The following AFF3 variants were observed in gnomAD, a reference collection of about 807,000 sequenced individuals.
The protein encoded by AFF3 is AF4/FMR2 family member 3.
Under a neutral mutation model 129.7 loss-of-function variants are expected in AFF3, and 32 were observed. The observed-to-expected ratio is 0.25, with a 90% confidence interval of 0.19 to 0.33. The LOEUF is 0.33. Among genes scored for constraint, AFF3 ranks in the 10% least tolerant of loss-of-function variants. The pLI, the probability that AFF3 is intolerant of heterozygous loss-of-function variation, is 1.00. For missense variants in AFF3, 1,373 were observed against 1,592.0 expected, an observed-to-expected ratio of 0.86 and a Z score of 2.34; for synonymous variants, 644 against 635.4, an observed-to-expected ratio of 1.01 and a Z score of -0.20.
intron 15 of AFF3, among the ~76,000 whole-genome samples, chr2:99,590,296 G>GGCAGAAGCGCAGGCAGAACCTGCCCT (rs1678540959): frequency 6.6e-6 from 1 of 152,234 alleles, no homozygotes; most frequent in Non-Finnish European, 1.5e-5. Flanking sequence ...GGTGCCAGGA[G>GGCAGAAGCGCAGGCAGAACCTGCCCT]GCAGAAGCGC....
chr2:100,094,213 C>T (rs1214381644), intron 4 of AFF3, among the ~76,000 whole-genome samples: 3 of 152,154 alleles, frequency 2.0e-5, no homozygotes, highest in South Asian at 4.1e-4. Context: ...GGTTCAAGTG[C>T]ATTACATTTA....
intron 7 of AFF3, among the ~76,000 whole-genome samples, chr2:99,986,449 C>T (rs2104550769): frequency 6.6e-6 from 1 of 152,074 alleles, no homozygotes; most frequent in South Asian, 2.1e-4. Flanking sequence ...TGGCCAAATG[C>T]TGAAGCTTAA....
intron 13 of AFF3, among the ~76,000 whole-genome samples, chr2:99,626,245 G>A (rs1575539869): frequency 6.6e-6 from 1 of 152,142 alleles, no homozygotes; most frequent in African/African-American, 2.4e-5. Flanking sequence ...CCAAGCTCAC[G>A]TTTGTTGTTG....
At chr2:100,082,814 C>T (rs866556756) in intron 4 of AFF3, among the ~76,000 whole-genome samples, 12 of 152,194 alleles carry the variant, frequency 7.9e-5, no homozygotes, top group African/African-American at 2.9e-4. Flanking sequence ...GGCTTGGTGG[C>T]TCATGCCTGT....
intron 7 of AFF3, among the ~76,000 whole-genome samples, chr2:99,945,692 T>C (rs537239646): frequency 3.5e-4 from 54 of 152,352 alleles, no homozygotes; most frequent in African/African-American, 1.3e-3. Flanking sequence ...AAACAGCTTC[T>C]TGTGGACTTT....
chr2:99,636,180 C>T (rs1380122563), intron 13 of AFF3, among the ~76,000 whole-genome samples: 2 of 152,170 alleles, frequency 1.3e-5, no homozygotes, highest in Admixed American at 1.3e-4. Flanking sequence ...ATTAGCCAGG[C>T]TGAATAGGGG....
At chr2:99,981,056 C>A (rs1679353513) in intron 7 of AFF3, among the ~76,000 whole-genome samples, 1 of 152,174 alleles carries the variant, frequency 6.6e-6, no homozygotes, top group Non-Finnish European at 1.5e-5. Context: ...ACTCTTGTTG[C>A]CCAGGCTGGA....
At chr2:99,938,202 T>C (rs1018136971) in intron 7 of AFF3, among the ~76,000 whole-genome samples, 4 of 152,138 alleles carry the variant, frequency 2.6e-5, no homozygotes, top group African/African-American at 9.7e-5. Flanking sequence ...CACCTACCAA[T>C]GAAGAATAAC....
At chr2:100,016,342 ATAGTGATGGTGATGGTGG>A (rs1051186560) in intron 4 of AFF3, among the ~76,000 whole-genome samples, 7 of 130,258 alleles carry the variant, frequency 5.4e-5, no homozygotes, top group South Asian at 2.6e-4. Context: ...AGTGGTAGTG[ATAGTGATGGTGATGGTGG>A]TAGTGATGGT....
intron 2 of AFF3, among the ~76,000 whole-genome samples, chr2:100,128,293 G>T (rs538574985): frequency 1.7e-4 from 26 of 152,018 alleles, no homozygotes; most frequent in Non-Finnish European, 3.1e-4. Context: ...TCTTTCTTGC[G>T]TGAGATCCAA....
At chr2:99,787,820 A>G (rs1684917504) in intron 8 of AFF3, among the ~76,000 whole-genome samples, 1 of 152,230 alleles carries the variant, frequency 6.6e-6, no homozygotes, top group East Asian at 1.9e-4. Context: ...GGGGCTGGCC[A>G]TCCTTGGAGT....
intron 10 of AFF3, among the ~76,000 whole-genome samples, chr2:99,736,595 G>A: frequency 7.0e-6 from 1 of 142,976 alleles, no homozygotes; most frequent in South Asian, 2.2e-4. Context: ...TAATCCATTT[G>A]TTTAAATTAC....
rs368734065 is a variant in AFF3 at position 100,107,350 on chromosome 2, A to G, written c.-144-1767T>C. On this transcript the variant is annotated intron_variant, in intron 2 of 24. Transcript: ENST00000672756. Reference sequence around the variant, plus strand: ...CCTCCAGCCTCTGGGTATGCAAACCAAAACAAGCACTTAATCTAGTTGTCA... The same window carrying G: ...CCTCCAGCCTCTGGGTATGCAAACCGAAACAAGCACTTAATCTAGTTGTCA... The G allele has an allele frequency of 6.7e-4, 662 of 985,456 alleles. 6 individuals are homozygous for G. The African/African-American group carries it at 0.01, about 15-fold the overall frequency. The allele number at this position is 985,456 out of a possible 1,614,324, so 61.0% of individuals were successfully genotyped here. A position where few individuals can be genotyped will look rare whatever the true frequency, so the allele number is the denominator to read the frequency against.
chr2:99,906,809 G>A (rs1001263246), intron 7 of AFF3, among the ~76,000 whole-genome samples: 28 of 151,616 alleles, frequency 1.8e-4, no homozygotes, highest in African/African-American at 6.3e-4. Flanking sequence ...CCAACACCTT[G>A]CAATCAATCA....
chr2:100,069,619 T>C (rs974695118), intron 4 of AFF3, among the ~76,000 whole-genome samples: 1 of 152,194 alleles, frequency 6.6e-6, no homozygotes. Flanking sequence ...ATAGAGTTAA[T>C]GTTTAGCCAT....
At position 100,006,763 on chromosome 2, in the gene AFF3, A is replaced by G; in HGVS notation, c.742T>C (p.Ser248Pro). ...TCCGAAGACGACTTCAGCTTAGGAGACTCATCAGGGGCCTGATCTTGGCCG... is the reference window on the plus strand; with the variant it reads ...TCCGAAGACGACTTCAGCTTAGGAGGCTCATCAGGGGCCTGATCTTGGCCG... ...MDGQDQAPDE[S>P]PKLKSSSETS... The change falls in exon 7 of 25, where the codon TCT (serine) becomes CCT (proline). Residue 248 changes from serine (S) to proline (P), a missense_variant. Physicochemically the swap from Ser to Pro is moderately conservative, Grantham distance 74. Transcript: ENST00000672756. 1.2e-6 allele frequency: 2 copies of G among 1,613,994 alleles called. No homozygotes were observed. Among genetic ancestry groups the G allele is most frequent in the Non-Finnish European group, 1.7e-6 (2 of 1,179,994 alleles).
intron 7 of AFF3, 126 bp from the exon 8 acceptor site, chr2:99,837,650 C>T (rs1001359351): frequency 9.0e-6 from 7 of 776,342 alleles, no homozygotes; most frequent in Non-Finnish European, 1.5e-5. Context: ...GAGGGGATGC[C>T]TGACCTGGGA....
chr2:99,964,116 A>C (rs1677500156), intron 7 of AFF3, among the ~76,000 whole-genome samples: 1 of 152,120 alleles, frequency 6.6e-6, no homozygotes, highest in South Asian at 2.1e-4. Flanking sequence ...GGCCTCAAAA[A>C]TTGATACAGC....
intron 4 of AFF3, among the ~76,000 whole-genome samples, chr2:100,013,499 C>A (rs184867474): frequency 6.6e-6 from 1 of 152,304 alleles, no homozygotes; most frequent in Admixed American, 6.5e-5. Flanking sequence ...TAAAGACACA[C>A]TGTGTAAAAG....
Sources: allele counts gnomAD v4.1 joint callset (sites outside exome capture counted in the v4.1 genomes callset), GRCh38; gene constraint gnomAD v4.1.1; transcripts MANE v1.5; gene names NCBI Gene and HGNC (gene_info 2026-07-23, HGNC 2026-07-21).